KCND2: variants seen among roughly 807,000 people sequenced by gnomAD.
KCND2 encodes the protein A-type voltage-gated potassium channel KCND2.
A neutral mutation model predicts 54.4 loss-of-function variants in KCND2; 16 were observed. The observed-to-expected ratio is 0.29, with a 90% CI of 0.20 to 0.45. The LOEUF (loss-of-function observed/expected upper bound fraction) is 0.45. Among genes scored for constraint, KCND2 ranks in the 20% least tolerant of loss-of-function variants. The pLI is 1.00. For missense variants in KCND2, 486 were observed against 824.2 expected, an observed-to-expected ratio of 0.59 and a Z score of 5.02; for synonymous variants, 317 against 310.7, an observed-to-expected ratio of 1.02 and a Z score of -0.21.
chr7:120,528,341 A>G (rs1791802286), intron 1 of KCND2, among the ~76,000 whole-genome samples: 1 of 152,132 alleles, frequency 6.6e-6, no homozygotes, highest in African/African-American at 2.4e-5. Context: ...CATATATAGA[A>G]GAGTTTTTTA....
At chr7:120,693,392 T>C (rs1423532537) in intron 1 of KCND2, among the ~76,000 whole-genome samples, 1 of 152,224 alleles carries the variant, frequency 6.6e-6, no homozygotes, top group Non-Finnish European at 1.5e-5. Flanking sequence ...GGTGAGCTGA[T>C]GAGGACAGTG....
intron 1 of KCND2, among the ~76,000 whole-genome samples, chr7:120,692,780 C>G (rs1390176481): frequency 4.6e-5 from 7 of 152,174 alleles, no homozygotes; most frequent in African/African-American, 1.7e-4. Flanking sequence ...AGGATTCAGC[C>G]CCTGTGGGGC....
chr7:120,445,223 A>C (rs1211916638), intron 1 of KCND2, among the ~76,000 whole-genome samples: 1 of 152,220 alleles, frequency 6.6e-6, no homozygotes, highest in Non-Finnish European at 1.5e-5. Context: ...TTTAAAAGTA[A>C]ATTTTAAGAA....
intron 1 of KCND2, among the ~76,000 whole-genome samples, chr7:120,362,918 A>G (rs1033287493): frequency 6.6e-6 from 1 of 152,010 alleles, no homozygotes; most frequent in African/African-American, 2.4e-5. Flanking sequence ...TTTCCCTAGG[A>G]AAGTATTAAT....
Position 120,312,112 on chromosome 7 carries a change from G to T in KCND2, c.1115+36365G>T, listed in dbSNP as rs138789209. On this transcript the variant is annotated intron_variant, in intron 1 of 5. Transcript: ENST00000331113. ...AGAGATGGGGGACTTTCTCCATGTT[G>T]GTCAGCCTGGTCTCAAACTCCTGAC... Among the ~76,000 whole-genome samples, 376 of 152,140 alleles carry T rather than the reference G, an allele frequency of 2.5e-3. 1 individual carries two copies. Among genetic ancestry groups the T allele is most frequent in the African/African-American group, 8.4e-3 (347 of 41,502 alleles).
chr7:120,379,470 GTTTATTT>G (rs1800884589), intron 1 of KCND2, among the ~76,000 whole-genome samples: 1 of 151,986 alleles, frequency 6.6e-6, no homozygotes, highest in Non-Finnish European at 1.5e-5. Flanking sequence ...ATTAAATATA[GTTTATTT>G]CAATAAAATA....
intron 1 of KCND2, among the ~76,000 whole-genome samples, chr7:120,359,527 G>A (rs748921113): frequency 6.6e-6 from 1 of 152,018 alleles, no homozygotes; most frequent in Non-Finnish European, 1.5e-5. Flanking sequence ...CATCTATTTT[G>A]TATAAATGGT....
At chr7:120,431,998 C>G (rs57340057) in intron 1 of KCND2, among the ~76,000 whole-genome samples, 3,465 of 152,272 alleles carry the variant, frequency 0.023, 143 homozygotes, top group African/African-American at 0.079. Context: ...CAAGTAGCTT[C>G]TGGATGAATC....
At chr7:120,440,022 G>A (rs1801925851) in intron 1 of KCND2, among the ~76,000 whole-genome samples, 1 of 151,988 alleles carries the variant, frequency 6.6e-6, no homozygotes. Context: ...CCAGGAGCAC[G>A]ATTGCTGGAT....
intron 1 of KCND2, among the ~76,000 whole-genome samples, chr7:120,280,468 T>C (rs1407472638): frequency 6.6e-6 from 1 of 152,084 alleles, no homozygotes; most frequent in Non-Finnish European, 1.5e-5. Flanking sequence ...AAATTTTCAG[T>C]GGGTCTGTTA....
chr7:120,698,910 A>G (rs1189904996), intron 1 of KCND2, among the ~76,000 whole-genome samples: 2 of 152,246 alleles, frequency 1.3e-5, no homozygotes, highest in Non-Finnish European at 2.9e-5. Flanking sequence ...AAAAGTCTTT[A>G]AATTTAATAA....
intron 1 of KCND2, among the ~76,000 whole-genome samples, chr7:120,615,000 G>A (rs186115771): frequency 8.5e-5 from 13 of 152,226 alleles, no homozygotes; most frequent in Admixed American, 2.6e-4. Flanking sequence ...AGAATTCAGC[G>A]TAAGAAAAGA....
chr7:120,725,104 T>TA (rs992356580), intron 1 of KCND2, among the ~76,000 whole-genome samples: 2 of 152,126 alleles, frequency 1.3e-5, no homozygotes, highest in African/African-American at 4.8e-5. Context: ...TTGGTTTTTT[T>TA]AAAAAAGCAC....
At chr7:120,728,493 G>A (rs1792764780) in intron 1 of KCND2, among the ~76,000 whole-genome samples, 1 of 151,918 alleles carries the variant, frequency 6.6e-6, no homozygotes. Context: ...GTTTCTCCAT[G>A]TTGGTCAGGC....
chr7:120,575,191 G>A (rs1343305152), intron 1 of KCND2, among the ~76,000 whole-genome samples: 3 of 152,056 alleles, frequency 2.0e-5, no homozygotes, highest in Non-Finnish European at 4.4e-5. Flanking sequence ...ACAATAGGCC[G>A]TCTGCAAGCT....
At chr7:120,689,564 G>A (rs968385808) in intron 1 of KCND2, among the ~76,000 whole-genome samples, 1 of 152,048 alleles carries the variant, frequency 6.6e-6, no homozygotes, top group African/African-American at 2.4e-5. Flanking sequence ...TAAAATGCAG[G>A]TTGTCCTTTA....
At chr7:120,566,328 G>A (rs1428237484) in intron 1 of KCND2, among the ~76,000 whole-genome samples, 2 of 151,902 alleles carry the variant, frequency 1.3e-5, no homozygotes, top group African/African-American at 4.8e-5. Context: ...GTGTGTGTGC[G>A]CATGGATATT....
intron 1 of KCND2, among the ~76,000 whole-genome samples, chr7:120,434,473 C>G (rs1443649376): frequency 6.6e-6 from 1 of 152,228 alleles, no homozygotes; most frequent in African/African-American, 2.4e-5. Flanking sequence ...CTTGTCAGCA[C>G]TCTGTCTCCG....
chr7:120,317,777 A>G (rs925925757), intron 1 of KCND2, among the ~76,000 whole-genome samples: 2 of 152,162 alleles, frequency 1.3e-5, no homozygotes, highest in African/African-American at 2.4e-5. Flanking sequence ...AATTAAGTGT[A>G]CTCATTATTG....
Sources: allele counts gnomAD v4.1 joint callset (sites outside exome capture counted in the v4.1 genomes callset), GRCh38; gene constraint gnomAD v4.1.1; transcripts MANE v1.5; gene names NCBI Gene and HGNC (gene_info 2026-07-23, HGNC 2026-07-21).